ZBTB7C: variants seen among roughly 807,000 people sequenced by gnomAD.
ZBTB7C encodes the protein zinc finger and BTB domain-containing protein 7C.
ZBTB7C carries 8 observed loss-of-function variants against 25.7 expected under a neutral mutation model. The ratio of observed to expected loss-of-function variants is 0.31; its 90% CI spans 0.18 to 0.56. The LOEUF (loss-of-function observed/expected upper bound fraction) is 0.56. Ranked by LOEUF, ZBTB7C falls within the 20% of genes least tolerant of loss-of-function variation. ZBTB7C has a pLI of 0.91. For missense variants in ZBTB7C, 824 were observed against 855.2 expected (o/e 0.96, Z 0.46); for synonymous variants, 394 against 369.0 (o/e 1.07, Z -0.78).
chr18:48,081,871 C>CA lies in ZBTB7C; in HGVS notation c.-16-40749dup, dbSNP rs368718479. ...ACACTGGATTTTGAAGATTTAGTAC[C>CA]AAAAAAAAAGATAGATATAGCATTA... On this transcript the variant is annotated intron_variant, in intron 3 of 4. Coordinates refer to ENST00000590800, the MANE Select transcript of ZBTB7C (RefSeq NM_001318841.2). Among the ~76,000 whole-genome samples, 196 of 148,784 alleles carry CA rather than the reference C, an allele frequency of 1.3e-3. 4 individuals carry two copies. The South Asian group carries it at 0.033, about 25-fold the overall frequency.
chr18:48,143,407 G>GA (rs958919161), intron 3 of ZBTB7C, among the ~76,000 whole-genome samples: 3 of 152,068 alleles, frequency 2.0e-5, no homozygotes, highest in Non-Finnish European at 4.4e-5. Context: ...AGAAAACTAA[G>GA]AAAAAAATGC....
At chr18:48,165,951 A>T (rs1400217421) in intron 3 of ZBTB7C, among the ~76,000 whole-genome samples, 5 of 152,176 alleles carry the variant, frequency 3.3e-5, no homozygotes, top group Non-Finnish European at 5.9e-5. Flanking sequence ...AGATATTCTT[A>T]TTAACAGTAT....
chr18:48,029,791 C>T lies in ZBTB7C; in HGVS notation c.1329G>A (p.Thr443=), dbSNP rs1317273099. 1.9e-6 allele frequency: 3 copies of T among 1,608,566 alleles called. No individual in the cohort carries two copies. Among genetic ancestry groups the T allele is most frequent in the South Asian group, 1.1e-5 (1 of 91,080 alleles). Residue 443 remains threonine (T), a synonymous_variant, in exon 5 of 5, where the codon ACG becomes ACA. Transcript: ENST00000590800. ...YDLKNHMRIH[T]GVRPYQCEFC... is the part of the protein sequence containing the mutation. ...ACTCGCACTGGTAGGGCCGCACGCC[C>T]GTGTGGATGCGCATGTGGTTCTTGA... is the stretch of plus-strand genomic sequence containing the variant.
intron 2 of ZBTB7C, among the ~76,000 whole-genome samples, chr18:48,311,242 G>A (rs1246414747): frequency 6.6e-6 from 1 of 152,204 alleles, no homozygotes; most frequent in Non-Finnish European, 1.5e-5. Flanking sequence ...CGTGGTGGGA[G>A]CTGCTTGAGG....
Position 48,137,036 on chromosome 18 carries a change from C to A in ZBTB7C, c.-17+48898G>T, listed in dbSNP as rs1480270277. 4.1e-6 allele frequency: 4 copies of A among 985,110 alleles called. No individual in the cohort carries two copies. The African/African-American group carries it at 7.0e-5, about 17-fold the overall frequency. The allele number at this position is 985,110 out of a possible 1,614,324, so 61.0% of individuals were successfully genotyped here. ...CCGCCCCGGGGACGCCGCGCTCGTG[C>A]CCGGGCCGTGTCCTGAGCGCCGCCA... On this transcript the variant is annotated intron_variant, in intron 3 of 4. Transcript: ENST00000590800.
intron 1 of ZBTB7C, among the ~76,000 whole-genome samples, chr18:48,373,216 C>G (rs548245860): frequency 6.6e-6 from 1 of 151,422 alleles, no homozygotes. Flanking sequence ...GGATCCCTCA[C>G]GGCTTGGTAC....
chr18:48,064,632 A>G (rs951654872), intron 3 of ZBTB7C, among the ~76,000 whole-genome samples: 2 of 152,206 alleles, frequency 1.3e-5, no homozygotes, highest in Non-Finnish European at 2.9e-5. Context: ...AGTCCCAGCT[A>G]CTTAGGAGGC....
At chr18:48,144,924 T>C (rs774629335) in intron 3 of ZBTB7C, among the ~76,000 whole-genome samples, 2 of 152,146 alleles carry the variant, frequency 1.3e-5, no homozygotes, top group Non-Finnish European at 2.9e-5. Flanking sequence ...AGGTACTTAT[T>C]TGAGAAAGAA....
At chr18:48,088,976 G>A (rs1208775216) in intron 3 of ZBTB7C, among the ~76,000 whole-genome samples, 1 of 152,168 alleles carries the variant, frequency 6.6e-6, no homozygotes, top group African/African-American at 2.4e-5. Context: ...AAAGATACTT[G>A]GATGCAAGAG....
chr18:48,143,050 A>G (rs2144843457), intron 3 of ZBTB7C, among the ~76,000 whole-genome samples: 1 of 152,126 alleles, frequency 6.6e-6, no homozygotes, highest in South Asian at 2.1e-4. Context: ...TCTACCATGA[A>G]CTCAGGTGGG....
At position 48,040,964 on chromosome 18, in the gene ZBTB7C, G is replaced by C; in HGVS notation, c.144C>G (p.His48Gln). Residue 48 changes from histidine to glutamine, a missense_variant, in exon 4 of 5, where the codon CAC (histidine) becomes CAG (glutamine). Physicochemically the swap from His to Gln is conservative, Grantham distance 24 (BLOSUM62 0). This residue lies in a region of ZBTB7C where 117 missense variants were observed against 167.7 expected (regional missense o/e 0.70). Transcript: ENST00000590800. ...LVVQEQEYRT[H>Q]RSVLAACSKY... ...TGCTGCAGGCAGCCAGGACGGAGCG[G>C]TGGGTCCGATACTCCTGCTCCTGCA... 2 of 1,614,192 alleles carry C rather than the reference G, an allele frequency of 1.2e-6. No individual in the cohort carries two copies. The highest frequency in any genetic ancestry group is 1.7e-6 in the Non-Finnish European group (2 of 1,180,040).
At chr18:48,125,116 C>T (rs1219723563) in intron 3 of ZBTB7C, among the ~76,000 whole-genome samples, 2 of 152,206 alleles carry the variant, frequency 1.3e-5, no homozygotes, top group Non-Finnish European at 2.9e-5. Context: ...CTAGATATAT[C>T]GCATAATTTA....
At chr18:48,294,229 G>A (rs551017047) in intron 2 of ZBTB7C, among the ~76,000 whole-genome samples, 2 of 152,316 alleles carry the variant, frequency 1.3e-5, no homozygotes, top group South Asian at 2.1e-4. Context: ...AATCACCTGC[G>A]GAAGGCACAA....
intron 3 of ZBTB7C, among the ~76,000 whole-genome samples, chr18:48,071,962 T>C (rs1157065547): frequency 6.6e-6 from 1 of 152,218 alleles, no homozygotes; most frequent in Admixed American, 6.5e-5. Context: ...AGTTAGTGTT[T>C]AATGGGGACA....
At chr18:48,165,218 T>C (rs891462438) in intron 3 of ZBTB7C, 1 of 880,024 alleles carries the variant, frequency 1.1e-6, no homozygotes, top group Non-Finnish European at 1.6e-6. Flanking sequence ...AGAGGAGAGC[T>C]CCCAGCCTCC....
intron 2 of ZBTB7C, among the ~76,000 whole-genome samples, chr18:48,320,276 G>A (rs2046058253): frequency 1.3e-5 from 2 of 152,204 alleles, no homozygotes; most frequent in Admixed American, 1.3e-4. Flanking sequence ...GGAGCGAGGG[G>A]GAAGTGGGTA....
At chr18:48,257,776 T>G (rs929193133) in intron 2 of ZBTB7C, among the ~76,000 whole-genome samples, 1 of 149,892 alleles carries the variant, frequency 6.7e-6, no homozygotes, top group Non-Finnish European at 1.5e-5. Context: ...AGGCGCTGTA[T>G]TAACAAGCTG....
chr18:48,206,363 T>C (rs551071821), intron 2 of ZBTB7C, among the ~76,000 whole-genome samples: 2 of 152,302 alleles, frequency 1.3e-5, no homozygotes, highest in South Asian at 2.1e-4. Flanking sequence ...CAATACATGG[T>C]GCTGAGTCAA....
chr18:48,238,483 T>C (rs2043438095), intron 2 of ZBTB7C, among the ~76,000 whole-genome samples: 1 of 152,192 alleles, frequency 6.6e-6, no homozygotes, highest in Non-Finnish European at 1.5e-5. Context: ...AGAGGGAAAG[T>C]CTGCCTCTGA....
Sources: gnomAD v4.1 joint callset for allele counts (sites outside exome capture counted in the v4.1 genomes callset) on GRCh38, gnomAD v4.1.1 for gene constraint, gnomAD v4.1.1 regional missense constraint, MANE v1.5 for transcripts, NCBI Gene and HGNC (gene_info 2026-07-23, HGNC 2026-07-21) for gene names.